The following SCIN variants were observed in gnomAD, a reference collection of about 807,000 sequenced individuals.
SCIN encodes adseverin.
In SCIN, 91 loss-of-function variants were observed where a neutral mutation model predicts 91.8. The ratio of observed to expected loss-of-function variants is 0.99; its 90% confidence interval spans 0.84 to 1.18. The LOEUF is 1.18. SCIN is among the 50% of genes most tolerant of loss of function. The pLI is 0.00. For missense variants in SCIN, 1,087 were observed against 863.9 expected (o/e 1.26, Z -3.24); for synonymous variants, 367 against 312.6 (o/e 1.17, Z -1.84).
intron 8 of SCIN, among the ~76,000 whole-genome samples, 163 bp downstream of exon 8, chr7:12,626,962 C>T (rs1469463197): frequency 6.6e-6 from 1 of 151,938 alleles, no homozygotes; most frequent in Non-Finnish European, 1.5e-5. Context: ...TGATGGAGCT[C>T]GCCCATAGTC....
chr7:12,605,173 T>A (rs1456635067), intron 4 of SCIN, among the ~76,000 whole-genome samples: 1 of 152,114 alleles, frequency 6.6e-6, no homozygotes, highest in Non-Finnish European at 1.5e-5. Context: ...TGCCTCAGCC[T>A]CCCTAGTAGC....
At chr7:12,631,599 G>A (rs1783644409) in intron 9 of SCIN, among the ~76,000 whole-genome samples, 1 of 152,132 alleles carries the variant, frequency 6.6e-6, no homozygotes, top group Admixed American at 6.5e-5. Flanking sequence ...AGAGAAAGAA[G>A]CCTGAGCTGG....
intron 3 of SCIN, among the ~76,000 whole-genome samples, chr7:12,592,501 G>A (rs181265640): frequency 2.8e-4 from 43 of 152,150 alleles, no homozygotes; most frequent in African/African-American, 9.4e-4. Flanking sequence ...TTCTGATGGG[G>A]TCATGGTGAG....
rs1299534330 is a variant in SCIN at position 12,635,989 on chromosome 7, T to C, written c.1320-56T>C. On this transcript the variant is annotated intron_variant, in intron 9 of 15. Transcript: ENST00000297029. ...CTTGTCTCTGCTTGCAATGCCTACA[T>C]GTGACGATCTTAAAACTTAAAGGCA... 5 of 1,286,226 alleles carry C rather than the reference T, an allele frequency of 3.9e-6. No homozygotes were observed. In the East Asian group the frequency reaches 7.2e-5, roughly 19 times the overall value. 79.7% of individuals were successfully genotyped at this position (1,286,226 alleles called of 1,614,324 possible). A position where few individuals can be genotyped will look rare whatever the true frequency, so the allele number is the denominator to read the frequency against.
chr7:12,588,593 G>C (rs1782639966), intron 3 of SCIN, among the ~76,000 whole-genome samples: 2 of 151,876 alleles, frequency 1.3e-5, no homozygotes, highest in South Asian at 4.2e-4. Context: ...CCCTGGGGTT[G>C]TTTGTTGGTT....
chr7:12,579,609 A>T, intron 2 of SCIN, among the ~76,000 whole-genome samples: 1 of 152,294 alleles, frequency 6.6e-6, no homozygotes, highest in South Asian at 2.1e-4. Context: ...GTATTAAGGA[A>T]TAAATTAAAT....
At chr7:12,605,998 A>G (rs567199748) in intron 4 of SCIN, among the ~76,000 whole-genome samples, 1 of 152,268 alleles carries the variant, frequency 6.6e-6, no homozygotes, top group Admixed American at 6.5e-5. Context: ...ACCTAAGTAT[A>G]TATATTGTAT....
intron 1 of SCIN, chr7:12,571,767 G>A: frequency 4.1e-6 from 1 of 242,776 alleles, no homozygotes; most frequent in South Asian, 4.1e-5. Context: ...GGCTCCTTCA[G>A]CAGTAGTAAT....
rs1562623173 is a variant in SCIN at position 12,626,725 on chromosome 7, G to A, written c.1123G>A (p.Ala375Thr). 2 of 1,607,818 alleles carry A rather than the reference G, an allele frequency of 1.2e-6. No homozygotes were observed. Among genetic ancestry groups the A allele is most frequent in the Admixed American group, 3.4e-5 (2 of 59,248 alleles). ...VAQIKQIPFD[A>T]SKLHSSPQMA... The stretch of plus-strand genomic sequence containing the variant: ...TCAAATAAAACAAATTCCCTTTGAT[G>A]CCTCAAAATTACACAGTTCTCCGCA... The change falls in exon 8 of 16, where the codon GCC becomes ACC. Residue 375 changes from alanine to threonine, a missense_variant. Transcript: ENST00000297029.
At chr7:12,622,935 G>T (rs1238344231) in intron 5 of SCIN, 42 bp downstream of exon 5, 3 of 1,448,298 alleles carry the variant, frequency 2.1e-6, no homozygotes, top group Non-Finnish European at 1.9e-6. Flanking sequence ...AACAGTACTG[G>T]ATGTAGCTAG....
chr7:12,601,661 A>C (rs1022611295), intron 3 of SCIN, among the ~76,000 whole-genome samples: 1 of 152,216 alleles, frequency 6.6e-6, no homozygotes, highest in Admixed American at 6.5e-5. Context: ...AACAAACAAA[A>C]AAAAATCACT....
At chr7:12,606,688 G>A (rs78933427) in intron 4 of SCIN, among the ~76,000 whole-genome samples, 2,525 of 152,102 alleles carry the variant, frequency 0.017, 73 homozygotes, top group African/African-American at 0.058. Flanking sequence ...CTAGAAAATT[G>A]TGCTAAAATA....
intron 4 of SCIN, among the ~76,000 whole-genome samples, chr7:12,620,504 C>G (rs749421845): frequency 1.3e-4 from 20 of 152,018 alleles, no homozygotes; most frequent in Admixed American, 4.6e-4. Context: ...TAGGTTCATC[C>G]ATGTTGTTGC....
In SCIN at chr7:12,600,263, A is replaced by G. The variant is rs145146827; in HGVS notation, c.517-4251A>G. On this transcript the variant is annotated intron_variant, in intron 3 of 15. Transcript: ENST00000297029. ...AAGTAACTCAGGAATAGAAAACCAA[A>G]CATCATATGTTCTCACTTATATGTG... is the stretch of plus-strand genomic sequence containing the variant. 2.0e-5 allele frequency among the ~76,000 whole-genome samples: 3 copies of G among 152,348 alleles called. No individual in the cohort carries two copies. In the East Asian group the frequency reaches 5.8e-4, roughly 29 times the overall value.
At chr7:12,647,595 T>C (rs1161222819) in intron 13 of SCIN, among the ~76,000 whole-genome samples, 2 of 152,218 alleles carry the variant, frequency 1.3e-5, no homozygotes, top group Non-Finnish European at 2.9e-5. Context: ...AATATTAACT[T>C]AGCTGTTGCA....
At chr7:12,619,191 A>G (rs893072408) in intron 4 of SCIN, among the ~76,000 whole-genome samples, 2 of 152,098 alleles carry the variant, frequency 1.3e-5, no homozygotes, top group Non-Finnish European at 2.9e-5. Context: ...TTTGAGTTAC[A>G]TATTGTGCTT....
chr7:12,644,137 G>C lies in SCIN; in HGVS notation c.1582-1G>C. On this transcript the variant is annotated splice_acceptor_variant, in intron 11 of 15. Coordinates refer to ENST00000297029, the MANE Select transcript of SCIN (RefSeq NM_001112706.3). LOFTEE classifies it high-confidence loss of function. Reference sequence around the variant, plus strand: ...TTGTTTTATTTTTCTTCATATTCCAGGTTGATGTTGATGCAAATTCACTGA... The same window carrying C: ...TTGTTTTATTTTTCTTCATATTCCACGTTGATGTTGATGCAAATTCACTGA... 1 of 1,610,802 alleles carries C rather than the reference G, an allele frequency of 6.2e-7. No individual in the cohort carries two copies. The highest frequency in any genetic ancestry group is 1.1e-5 in the South Asian group (1 of 90,546).
intron 13 of SCIN, among the ~76,000 whole-genome samples, chr7:12,648,936 A>G (rs1266389495): frequency 1.3e-5 from 2 of 152,234 alleles, no homozygotes; most frequent in Non-Finnish European, 2.9e-5. Flanking sequence ...AGGCAGAAAC[A>G]GAGAAATTTT....
chr7:12,620,152 G>T (rs1181881421), intron 4 of SCIN, among the ~76,000 whole-genome samples: 1 of 151,944 alleles, frequency 6.6e-6, no homozygotes, highest in Non-Finnish European at 1.5e-5. Flanking sequence ...GTTGTGAAAT[G>T]ATTACCACAA....
Sources: allele counts gnomAD v4.1 joint callset (sites outside exome capture counted in the v4.1 genomes callset), GRCh38; gene constraint gnomAD v4.1.1; transcripts MANE v1.5; gene names NCBI Gene and HGNC (gene_info 2026-07-23, HGNC 2026-07-21).